Variants in FBXL13 observed in about 807,000 individuals in gnomAD.
FBXL13 encodes the protein F-box and leucine rich repeat protein 13.
FBXL13 carries 67 observed loss-of-function variants against 83.6 expected under a neutral mutation model. The ratio of observed to expected loss-of-function variants is 0.80; its 90% CI spans 0.66 to 0.98. FBXL13 has a LOEUF of 0.98. Among genes scored for constraint, FBXL13 ranks in the 50% least tolerant of loss-of-function variants. The pLI is 0.00. For synonymous variants in FBXL13, 272 were observed against 299.5 expected, an observed-to-expected ratio of 0.91 and a Z score of 0.95; for missense variants, 822 against 866.5, an observed-to-expected ratio of 0.95 and a Z score of 0.64.
intron 10 of FBXL13, among the ~76,000 whole-genome samples, chr7:102,914,506 A>T (rs1328044675): frequency 6.6e-6 from 1 of 152,278 alleles, no homozygotes; most frequent in Non-Finnish European, 1.5e-5. Context: ...AAAAGTGAGG[A>T]GAAAATGCTT....
At chr7:102,958,389 G>A (rs1824634143) in intron 8 of FBXL13, among the ~76,000 whole-genome samples, 1 of 151,346 alleles carries the variant, frequency 6.6e-6, no homozygotes, top group African/African-American at 2.4e-5. Context: ...TCTGTTGGGG[G>A]TGGTGGACTG....
chr7:102,947,556 G>T (rs1233122485), intron 8 of FBXL13, among the ~76,000 whole-genome samples: 1 of 152,068 alleles, frequency 6.6e-6, no homozygotes, highest in African/African-American at 2.4e-5. Context: ...CTTTTTCAGG[G>T]AAGTGTAGTT....
intron 10 of FBXL13, 40 bp from the exon 12 acceptor site, chr7:102,913,255 C>T (rs79283665): frequency 8.7e-6 from 14 of 1,610,258 alleles, no homozygotes; most frequent in East Asian, 4.5e-5. Context: ...ATTATACTTC[C>T]GTTGTTCTCT....
At chr7:102,936,948 A>G (rs1820441004) in intron 8 of FBXL13, among the ~76,000 whole-genome samples, 1 of 152,046 alleles carries the variant, frequency 6.6e-6, no homozygotes, top group Non-Finnish European at 1.5e-5. Flanking sequence ...TTTTCTCTTG[A>G]AAAACATCAG....
chr7:102,817,266 CTTTTA>C (rs1270176787), intron 19 of FBXL13, among the ~76,000 whole-genome samples: 1 of 152,246 alleles, frequency 6.6e-6, no homozygotes, highest in East Asian at 1.9e-4. Flanking sequence ...TCACCAGCAT[CTTTTA>C]TTTTTTGACT....
chr7:102,938,174 T>G lies in FBXL13; in HGVS notation c.725-6241A>C, dbSNP rs1030290896. Reference sequence around the variant, plus strand: ...GGTAAACGGATTTGTCAAGAATACATGAAAGTCAGAGTTTTTAAACTGCTT... The same window carrying G: ...GGTAAACGGATTTGTCAAGAATACAGGAAAGTCAGAGTTTTTAAACTGCTT... On this transcript the variant is annotated intron_variant, in intron 8 of 19. Transcript: ENST00000313221. Among the ~76,000 whole-genome samples, 3 of 152,242 alleles carry G rather than the reference T, an allele frequency of 2.0e-5. No homozygotes were observed. In the East Asian group the frequency reaches 5.8e-4, roughly 29 times the overall value.
intron 19 of FBXL13, among the ~76,000 whole-genome samples, chr7:102,818,589 A>G (rs1028492120): frequency 2.6e-5 from 4 of 152,138 alleles, no homozygotes; most frequent in African/African-American, 9.7e-5. Context: ...ATCAACACAG[A>G]TCTCCTAGAA....
chr7:102,850,756 G>GT (rs1427235160), intron 17 of FBXL13, among the ~76,000 whole-genome samples: 1 of 152,034 alleles, frequency 6.6e-6, no homozygotes, highest in Non-Finnish European at 1.5e-5. Context: ...TGGGATATTT[G>GT]TTTTGTGTTC....
At chr7:102,962,583 A>T (rs1442374799) in intron 8 of FBXL13, among the ~76,000 whole-genome samples, 7 of 152,152 alleles carry the variant, frequency 4.6e-5, no homozygotes, top group Non-Finnish European at 1.0e-4. Context: ...GAACCAACCC[A>T]AATGTCCAAC....
At position 102,945,787 on chromosome 7, in the gene FBXL13, T is replaced by A. The variant is rs536304407; in HGVS notation, c.725-13854A>T. Among the ~76,000 whole-genome samples the A allele has an allele frequency of 5.9e-5, 9 of 152,336 alleles. 1 individual carries two copies. Among genetic ancestry groups the A allele is most frequent in the Admixed American group, 2.0e-4 (3 of 15,302 alleles). ...GTTGAATACATTTTCATTTCTTGTA[T>A]CAAGGTATTCCTACAAAGTTTAGCA... is the stretch of plus-strand genomic sequence containing the variant. On this transcript the variant is annotated intron_variant, in intron 8 of 19. Transcript: ENST00000313221.
chr7:102,940,360 C>A (rs1194237149), intron 8 of FBXL13, among the ~76,000 whole-genome samples: 1 of 151,874 alleles, frequency 6.6e-6, no homozygotes, highest in Non-Finnish European at 1.5e-5. Flanking sequence ...CAGGCACCCG[C>A]CACCACGCCC....
intron 16 of FBXL13, among the ~76,000 whole-genome samples, chr7:102,861,142 T>C (rs17136125): frequency 6.6e-6 from 1 of 152,014 alleles, no homozygotes; most frequent in South Asian, 2.1e-4. Flanking sequence ...TGTAGTATTA[T>C]GCATATATAG....
intron 6 of FBXL13, among the ~76,000 whole-genome samples, chr7:102,985,353 T>C (rs748991188): frequency 6.6e-6 from 1 of 152,348 alleles, no homozygotes; most frequent in Non-Finnish European, 1.5e-5. Flanking sequence ...CTGGTGGCTA[T>C]GCTCCTGAGT....
chr7:102,908,747 CCAAA>C, intron 11 of FBXL13, among the ~76,000 whole-genome samples: 1 of 152,340 alleles, frequency 6.6e-6, no homozygotes, highest in South Asian at 2.1e-4. Context: ...CTTCTGTTTC[CCAAA>C]CAGAGTCTCT....
chr7:103,004,801 C>T (rs1390553190), intron 6 of FBXL13, among the ~76,000 whole-genome samples: 1 of 152,164 alleles, frequency 6.6e-6, no homozygotes, highest in Non-Finnish European at 1.5e-5. Flanking sequence ...CAGCCTCAGA[C>T]TTGAGTTCTG....
intron 10 of FBXL13, among the ~76,000 whole-genome samples, chr7:102,923,575 C>A (rs1032750029): frequency 2.6e-5 from 4 of 152,130 alleles, no homozygotes; most frequent in African/African-American, 9.7e-5. Context: ...GTAATCCCAG[C>A]ACTTTGGGAG....
chr7:103,074,636 C>T (rs774203593), upstream of FBXL13: 219 of 1,272,588 alleles, frequency 1.7e-4, no homozygotes, highest in Non-Finnish European at 2.2e-4. Flanking sequence ...TCTTTCCTGA[C>T]TCCTCCCCCT....
At chr7:103,064,181 C>A (rs1798178075) in intron 1 of FBXL13, among the ~76,000 whole-genome samples, 2 of 152,190 alleles carry the variant, frequency 1.3e-5, no homozygotes, top group African/African-American at 2.4e-5. Context: ...GCATCCTGAT[C>A]TAAATCAGCT....
intron 18 of FBXL13, among the ~76,000 whole-genome samples, chr7:102,824,643 G>A (rs574048378): frequency 2.0e-5 from 3 of 151,950 alleles, no homozygotes; most frequent in Non-Finnish European, 4.4e-5. Context: ...CCGCCACCAC[G>A]CCCAACTAAT....
Sources: allele counts gnomAD v4.1 joint callset (sites outside exome capture counted in the v4.1 genomes callset), GRCh38; gene constraint gnomAD v4.1.1; transcripts MANE v1.5; gene names NCBI Gene and HGNC (gene_info 2026-07-23, HGNC 2026-07-21).